Variants in NCOA2 observed in about 807,000 individuals in gnomAD.
NCOA2 encodes nuclear receptor coactivator 2.
In NCOA2, 21 loss-of-function variants were observed where a neutral mutation model predicts 145.1. The ratio of observed to expected loss-of-function variants is 0.14; its 90% CI spans 0.10 to 0.21. NCOA2 has a LOEUF of 0.21. NCOA2 is among the 10% of genes least tolerant of loss of function. The pLI is 1.00. For synonymous variants in NCOA2, 619 were observed against 637.5 expected, an observed-to-expected ratio of 0.97 and a Z score of 0.44; for missense variants, 1,472 against 1,837.6, an observed-to-expected ratio of 0.80 and a Z score of 3.64.
chr8:70,158,849 C>A (rs1812566082), intron 10 of NCOA2, among the ~76,000 whole-genome samples: 1 of 152,096 alleles, frequency 6.6e-6, no homozygotes, highest in Admixed American at 6.5e-5. Flanking sequence ...AATATTCCTG[C>A]CCTGCATTTG....
chr8:70,226,018 T>A (rs935578019), intron 2 of NCOA2, among the ~76,000 whole-genome samples: 1 of 152,178 alleles, frequency 6.6e-6, no homozygotes, highest in Non-Finnish European at 1.5e-5. Flanking sequence ...TAAACTGTTA[T>A]CTGAATTTAA....
intron 1 of NCOA2, among the ~76,000 whole-genome samples, chr8:70,351,155 C>T (rs1468803222): frequency 6.6e-6 from 1 of 152,188 alleles, no homozygotes; most frequent in East Asian, 1.9e-4. Flanking sequence ...TTCATGATCC[C>T]TCTTAATACT....
chr8:70,263,500 A>G (rs114612197), intron 2 of NCOA2, among the ~76,000 whole-genome samples: 2 of 152,074 alleles, frequency 1.3e-5, no homozygotes, highest in African/African-American at 2.4e-5. Context: ...CTTTTTCACC[A>G]AAGTTGATCT....
At chr8:70,177,493 G>C (rs537988922) in intron 4 of NCOA2, among the ~76,000 whole-genome samples, 2 of 152,208 alleles carry the variant, frequency 1.3e-5, no homozygotes, top group East Asian at 3.9e-4. Context: ...GGAGCAAGTG[G>C]GATCGAGGGT....
intron 1 of NCOA2, among the ~76,000 whole-genome samples, chr8:70,391,977 T>C (rs993712670): frequency 9.3e-4 from 142 of 152,340 alleles, no homozygotes; most frequent in African/African-American, 3.2e-3. Flanking sequence ...TAATTTACTT[T>C]GAAATGGTTT....
intron 2 of NCOA2, among the ~76,000 whole-genome samples, chr8:70,265,812 TTTGTTGTTG>T (rs139056239): frequency 4.1e-4 from 62 of 151,136 alleles, no homozygotes; most frequent in African/African-American, 1.1e-3. Flanking sequence ...ACTTCAGTTT[TTTGTTGTTG>T]TTGTTGTTGT....
In NCOA2 at chr8:70,237,726, C is replaced by T. The variant is rs114871425; in HGVS notation, c.-19-20962G>A. Reference sequence around the variant, plus strand: ...TGGAGACTCTAGTGAGCCAAAATCACATCACTGCACTCCAGCCTGGGCAAC... The same window carrying T: ...TGGAGACTCTAGTGAGCCAAAATCATATCACTGCACTCCAGCCTGGGCAAC... On this transcript the variant is annotated intron_variant, in intron 2 of 22. Transcript: ENST00000452400. Among the ~76,000 whole-genome samples the T allele has an allele frequency of 5.8e-3, 878 of 152,150 alleles. 7 individuals carry two copies. Among genetic ancestry groups the T allele is most frequent in the African/African-American group, 0.02 (833 of 41,492 alleles).
intron 2 of NCOA2, among the ~76,000 whole-genome samples, chr8:70,251,250 G>A (rs572231710): frequency 7.2e-5 from 11 of 152,260 alleles, no homozygotes; most frequent in African/African-American, 2.6e-4. Flanking sequence ...CCAATAAAAA[G>A]CTTATGCAAA....
the NCOA2 span, among the ~76,000 whole-genome samples, chr8:70,445,596 C>T: frequency 3.3e-5 from 5 of 152,264 alleles, no homozygotes; most frequent in East Asian, 7.7e-4. Flanking sequence ...TGCCCCAAGA[C>T]CCCCCACGCC....
intron 2 of NCOA2, among the ~76,000 whole-genome samples, chr8:70,217,623 TA>T (rs11403245): frequency 4.7e-5 from 7 of 150,162 alleles, no homozygotes; most frequent in Non-Finnish European, 8.9e-5. Flanking sequence ...AGTAAGAAAA[TA>T]AAAAAAAATG....
At chr8:70,302,970 G>A (rs569628967) in intron 1 of NCOA2, among the ~76,000 whole-genome samples, 1 of 152,228 alleles carries the variant, frequency 6.6e-6, no homozygotes, top group East Asian at 1.9e-4. Context: ...ATCTCATTAT[G>A]CCCATTCCTT....
intron 1 of NCOA2, among the ~76,000 whole-genome samples, chr8:70,368,432 G>C (rs754974661): frequency 2.0e-5 from 3 of 152,144 alleles, no homozygotes; most frequent in Non-Finnish European, 4.4e-5. Context: ...GGGAGTAATG[G>C]ATGGATTATA....
intron 22 of NCOA2, among the ~76,000 whole-genome samples, chr8:70,120,747 AAAAC>A (rs1034690542): frequency 1.3e-5 from 2 of 152,008 alleles, no homozygotes; most frequent in African/African-American, 2.4e-5. Flanking sequence ...ACAAAACAAA[AAAAC>A]AAAACAAAAA....
At position 70,379,505 on chromosome 8, in the gene NCOA2, C is replaced by T. The variant is rs989591911; in HGVS notation, c.-77+24195G>A. Among the ~76,000 whole-genome samples, 5 of 152,178 alleles carry T rather than the reference C, an allele frequency of 3.3e-5. No individual in the cohort carries two copies. In the East Asian group the frequency reaches 9.6e-4, roughly 29 times the overall value. On this transcript the variant is annotated intron_variant, in intron 1 of 22. Coordinates refer to ENST00000452400, the MANE Select transcript of NCOA2 (RefSeq NM_006540.4). ...CAAATGCACTGCTGTGTGATGGAGG[C>T]ATCGGACTGCCTGTCTTCCACATAT...
At chr8:70,383,687 T>C (rs1586651925) in intron 1 of NCOA2, among the ~76,000 whole-genome samples, 1 of 152,198 alleles carries the variant, frequency 6.6e-6, no homozygotes, top group South Asian at 2.1e-4. Context: ...GTATTTTTAG[T>C]AGAGACAGGG....
intron 1 of NCOA2, among the ~76,000 whole-genome samples, chr8:70,306,008 G>C (rs1827858761): frequency 6.6e-6 from 1 of 152,146 alleles, no homozygotes. Context: ...GATTTCATTA[G>C]AAATGTGGCC....
chr8:70,213,556 T>G (rs764594466), intron 4 of NCOA2, among the ~76,000 whole-genome samples: 8 of 152,192 alleles, frequency 5.3e-5, no homozygotes, highest in African/African-American at 4.8e-5. Flanking sequence ...TACATCTCAA[T>G]CTGGCTGCTA....
rs774821713 is a variant in NCOA2, at chr8:70,113,604, G to C, written c.*28C>G. Reference sequence around the variant, plus strand: ...TGTTTTGAGCAAGTGAGCCCGGTCAGCTGAAGAAGCAACTGGCTTCAGCAG... The same window carrying C: ...TGTTTTGAGCAAGTGAGCCCGGTCACCTGAAGAAGCAACTGGCTTCAGCAG... On this transcript the variant is annotated 3_prime_UTR_variant, in exon 23 of 23. Coordinates refer to ENST00000452400, the MANE Select transcript of NCOA2 (RefSeq NM_006540.4). 52 of 1,551,380 alleles carry C rather than the reference G, an allele frequency of 3.4e-5. No homozygotes were observed. The highest frequency in any genetic ancestry group is 4.2e-5 in the Non-Finnish European group (48 of 1,146,708).
At chr8:70,196,812 C>T (rs1414462875) in intron 4 of NCOA2, among the ~76,000 whole-genome samples, 1 of 152,216 alleles carries the variant, frequency 6.6e-6, no homozygotes, top group Non-Finnish European at 1.5e-5. Flanking sequence ...GACAACCATT[C>T]TCAGGTAGGT....
Sources: gnomAD v4.1 joint callset for allele counts (sites outside exome capture counted in the v4.1 genomes callset) on GRCh38, gnomAD v4.1.1 for gene constraint, MANE v1.5 for transcripts, NCBI Gene and HGNC (gene_info 2026-07-23, HGNC 2026-07-21) for gene names.